Variants in HS3ST5 observed in about 807,000 individuals in gnomAD.
HS3ST5 encodes the protein heparan sulfate glucosamine 3-O-sulfotransferase 5.
HS3ST5 carries 10 observed loss-of-function variants against 25.4 expected under a neutral mutation model. That is an observed-to-expected ratio of 0.39 (90% CI 0.24 to 0.67). The LOEUF (loss-of-function observed/expected upper bound fraction) is 0.67, where lower values mean the gene tolerates loss of function less well. Ranked by LOEUF, HS3ST5 falls within the 30% of genes least tolerant of loss-of-function variation. The pLI is 0.44. For synonymous variants in HS3ST5, 170 were observed against 162.4 expected (o/e 1.05, Z -0.36); for missense variants, 324 against 420.7 (o/e 0.77, Z 2.01).
chr6:114,264,040 C>G (rs1773295358), intron 1 of HS3ST5, among the ~76,000 whole-genome samples: 1 of 152,028 alleles, frequency 6.6e-6, no homozygotes, highest in Admixed American at 6.6e-5. Flanking sequence ...AGATGCTTTT[C>G]TAGGTGTGTC....
At chr6:114,140,332 G>A (rs927966363) in intron 3 of HS3ST5, among the ~76,000 whole-genome samples, 8 of 152,114 alleles carry the variant, frequency 5.3e-5, no homozygotes, top group African/African-American at 1.9e-4. Flanking sequence ...ATTTATAATA[G>A]TGATATAAAT....
intron 1 of HS3ST5, among the ~76,000 whole-genome samples, chr6:114,249,412 T>TAGA: frequency 1.3e-5 from 2 of 152,342 alleles, no homozygotes; most frequent in South Asian, 4.1e-4. Flanking sequence ...TGAGAGAGAA[T>TAGA]AGAACCCCTT....
At chr6:114,300,635 A>G (rs1775034651) in intron 1 of HS3ST5, among the ~76,000 whole-genome samples, 1 of 152,202 alleles carries the variant, frequency 6.6e-6, no homozygotes, top group South Asian at 2.1e-4. Context: ...CATATGACCC[A>G]GCAATTCCAT....
At chr6:114,204,302 T>C (rs1781168695) in intron 2 of HS3ST5, among the ~76,000 whole-genome samples, 1 of 152,180 alleles carries the variant, frequency 6.6e-6, no homozygotes. Context: ...GTTCAGCATG[T>C]CAAAATGCCA....
chr6:114,228,978 A>T (rs2114524464), intron 1 of HS3ST5, among the ~76,000 whole-genome samples, 200 bp from the exon 2 acceptor site: 1 of 152,306 alleles, frequency 6.6e-6, no homozygotes, highest in South Asian at 2.1e-4. Flanking sequence ...TTCTGGTTGA[A>T]TTCCTATTGC....
chr6:114,157,129 A>G (rs1778737608), intron 3 of HS3ST5, among the ~76,000 whole-genome samples: 1 of 150,764 alleles, frequency 6.6e-6, no homozygotes, highest in Non-Finnish European at 1.5e-5. Flanking sequence ...ATGACTATCC[A>G]CCCCATTGTC....
intron 1 of HS3ST5, among the ~76,000 whole-genome samples, chr6:114,333,634 A>AAT: frequency 6.6e-6 from 1 of 151,948 alleles, no homozygotes; most frequent in African/African-American, 2.4e-5. Flanking sequence ...TATTATGGCT[A>AAT]ATATATATAT....
intron 3 of HS3ST5, among the ~76,000 whole-genome samples, chr6:114,077,139 T>A (rs1453136863): frequency 6.6e-6 from 1 of 152,196 alleles, no homozygotes; most frequent in African/African-American, 2.4e-5. Context: ...ACAGCTCCCG[T>A]TATTGCATCA....
intron 1 of HS3ST5, among the ~76,000 whole-genome samples, chr6:114,237,516 G>T (rs576730638): frequency 6.6e-6 from 1 of 152,088 alleles, no homozygotes; most frequent in South Asian, 2.1e-4. Flanking sequence ...ACTATACCTG[G>T]GTGTAAAGAA....
At chr6:114,237,109 C>T (rs974472298) in intron 1 of HS3ST5, among the ~76,000 whole-genome samples, 1 of 152,096 alleles carries the variant, frequency 6.6e-6, no homozygotes, top group Non-Finnish European at 1.5e-5. Flanking sequence ...AAACTCTTTA[C>T]AACAATCAAA....
At chr6:114,220,648 T>C (rs1341139780) in intron 2 of HS3ST5, 2 of 152,026 alleles carry the variant, frequency 1.3e-5, no homozygotes, top group Admixed American at 6.6e-5. Flanking sequence ...CATGGCTTCA[T>C]AAATAATTTC....
intron 1 of HS3ST5, among the ~76,000 whole-genome samples, chr6:114,301,917 C>T (rs559916795): frequency 6.8e-4 from 104 of 152,264 alleles, no homozygotes; most frequent in African/African-American, 2.5e-3. Flanking sequence ...AAAATAGCCT[C>T]ATGAATAACT....
intron 1 of HS3ST5, among the ~76,000 whole-genome samples, chr6:114,288,114 A>T (rs2114764183): frequency 6.6e-6 from 1 of 152,278 alleles, no homozygotes; most frequent in East Asian, 1.9e-4. Context: ...TAATACATAG[A>T]ATATACATGC....
chr6:114,096,184 G>T (rs1327037262), intron 3 of HS3ST5, among the ~76,000 whole-genome samples: 1 of 152,082 alleles, frequency 6.6e-6, no homozygotes, highest in Non-Finnish European at 1.5e-5. Context: ...ACTGCAAATT[G>T]TTCACTAGTC....
rs1258202026 is a variant in HS3ST5, at chr6:114,342,184, G to C, written c.-339+11C>G. 1.3e-5 allele frequency: 2 copies of C among 152,502 alleles called. No individual in the cohort carries two copies. The highest frequency in any genetic ancestry group is 4.8e-5 in the African/African-American group (2 of 41,440). 9.4% of individuals were successfully genotyped at this position (152,502 alleles called of 1,614,324 possible). A position where few individuals can be genotyped will look rare whatever the true frequency, so the allele number is the denominator to read the frequency against. ...CTCCCCCGCGCGAGGCGGGCAGCGC[G>C]CCTTGCTCACCGTGGTCCCCGGCGG... On this transcript the variant is annotated intron_variant, in intron 1 of 4. Transcript: ENST00000312719.
chr6:114,262,913 G>T (rs147426516), intron 1 of HS3ST5, among the ~76,000 whole-genome samples: 288 of 152,140 alleles, frequency 1.9e-3, no homozygotes, highest in African/African-American at 6.6e-3. Flanking sequence ...GACATTTGAA[G>T]ATTTTTCTAT....
At chr6:114,071,127 T>C (rs1373165786) in intron 3 of HS3ST5, among the ~76,000 whole-genome samples, 1 of 152,234 alleles carries the variant, frequency 6.6e-6, no homozygotes, top group African/African-American at 2.4e-5. Flanking sequence ...TGCAGTTCTT[T>C]TGAATAAGCC....
chr6:114,316,108 A>G (rs1775736150), intron 1 of HS3ST5, among the ~76,000 whole-genome samples: 2 of 152,352 alleles, frequency 1.3e-5, no homozygotes, highest in South Asian at 4.1e-4. Context: ...GGAAGCAGGC[A>G]TGTGACTTTT....
intron 1 of HS3ST5, among the ~76,000 whole-genome samples, chr6:114,290,606 A>C (rs1774532676): frequency 6.6e-6 from 1 of 152,126 alleles, no homozygotes; most frequent in Non-Finnish European, 1.5e-5. Context: ...TCCTAGGAGA[A>C]TTCACACTAC....
Sources: gnomAD v4.1 joint callset for allele counts (sites outside exome capture counted in the v4.1 genomes callset) on GRCh38, gnomAD v4.1.1 for gene constraint, MANE v1.5 for transcripts, NCBI Gene and HGNC (gene_info 2026-07-23, HGNC 2026-07-21) for gene names.